EFHC2: variants seen among roughly 807,000 people sequenced by gnomAD.
EFHC2 encodes EF-hand domain containing 2.
A neutral mutation model predicts 52.7 loss-of-function variants in EFHC2; 18 were observed. That is an observed-to-expected ratio of 0.34 (90% CI 0.24 to 0.51). EFHC2 has a LOEUF of 0.51. Among genes scored for constraint, EFHC2 ranks in the 20% least tolerant of loss-of-function variants. The probability of loss-of-function intolerance (pLI) is 0.97; values close to 1 mark genes in which losing one functional copy is unlikely to be tolerated. For missense variants in EFHC2, 513 were observed against 562.5 expected (o/e 0.91, Z 0.89); for synonymous variants, 203 against 204.1 (o/e 0.99, Z 0.04).
intron 14 of EFHC2, among the ~76,000 whole-genome samples, chrX:44,155,364 C>A (rs1412583709): frequency 8.9e-6 from 1 of 112,047 alleles, no homozygotes. Flanking sequence ...GGATGAAAAC[C>A]CAGTAAACAG....
At chrX:44,232,937 G>T (rs1186623411) in intron 9 of EFHC2, among the ~76,000 whole-genome samples, 2 of 111,638 alleles carry the variant, frequency 1.8e-5, no homozygotes, top group African/African-American at 6.5e-5. Context: ...AAGAGGCTGA[G>T]GCACGAGGAT....
At chrX:44,218,484 TA>T (rs1160548061) in intron 11 of EFHC2, among the ~76,000 whole-genome samples, 10 of 112,046 alleles carry the variant, frequency 8.9e-5, no homozygotes, top group Non-Finnish European at 1.9e-4. Flanking sequence ...TACTTTAATA[TA>T]AAATATGCTG....
intron 14 of EFHC2, among the ~76,000 whole-genome samples, chrX:44,150,977 C>T (rs1433905773): frequency 9.0e-6 from 1 of 110,598 alleles, no homozygotes; most frequent in Non-Finnish European, 1.9e-5. Flanking sequence ...AAAAGACAGC[C>T]AGGTAAAGAC....
chrX:44,274,831 G>C (rs1358680978), intron 2 of EFHC2, among the ~76,000 whole-genome samples: 3 of 111,173 alleles, frequency 2.7e-5, no homozygotes, highest in Non-Finnish European at 5.7e-5. Context: ...GATCGAGGCT[G>C]CAGTGAGTTA....
intron 2 of EFHC2, among the ~76,000 whole-genome samples, chrX:44,281,899 T>C (rs2037704584): frequency 9.0e-6 from 1 of 111,596 alleles, no homozygotes; most frequent in Non-Finnish European, 1.9e-5. Context: ...CAAATTAAAA[T>C]AACAACGAGG....
chrX:44,201,984 C>T (rs781478597), intron 11 of EFHC2, among the ~76,000 whole-genome samples: 50 of 111,346 alleles, frequency 4.5e-4, no homozygotes, highest in Non-Finnish European at 7.9e-4. Flanking sequence ...ACAAGGAGAT[C>T]TGCTATTACT....
At chrX:44,176,429 C>A (rs1399364425) in intron 12 of EFHC2, 45 bp from the exon 13 acceptor site, 58 of 888,387 alleles carry the variant, frequency 6.5e-5, no homozygotes, top group Non-Finnish European at 8.9e-5. Context: ...CCTTGTATAC[C>A]TTTAGTAATA....
intron 10 of EFHC2, among the ~76,000 whole-genome samples, chrX:44,230,522 ATTTCC>A (rs1350059271): frequency 9.0e-6 from 1 of 111,062 alleles, no homozygotes; most frequent in Non-Finnish European, 1.9e-5. Flanking sequence ...CTTTTTTTGC[ATTTCC>A]TTTCATCTAT....
rs758088472 is a variant in EFHC2, at chrX:44,173,168, T to C, written c.2042+3124A>G. On this transcript the variant is annotated intron_variant, in intron 13 of 14. Coordinates refer to ENST00000420999, the MANE Select transcript of EFHC2 (RefSeq NM_025184.4). Reference sequence around the variant, plus strand: ...TCCAACCCTTTAGCCATATTGTTTTTCATCTCCTGATCTGAATTTACACAG... The same window carrying C: ...TCCAACCCTTTAGCCATATTGTTTTCCATCTCCTGATCTGAATTTACACAG... 1.1e-3 allele frequency among the ~76,000 whole-genome samples: 121 copies of C among 112,389 alleles called. 4 individuals carry two copies. Among genetic ancestry groups the C allele is most frequent in the Middle Eastern group, 4.6e-3 (1 of 219 alleles).
At chrX:44,254,236 C>T (rs955635854) in intron 4 of EFHC2, among the ~76,000 whole-genome samples, 5 of 112,007 alleles carry the variant, frequency 4.5e-5, no homozygotes, top group African/African-American at 1.6e-4. Context: ...CACAACTCCT[C>T]GCCAGCAAGA....
At chrX:44,318,966 G>C (rs1400222351) in intron 1 of EFHC2, among the ~76,000 whole-genome samples, 1 of 109,764 alleles carries the variant, frequency 9.1e-6, no homozygotes, top group Non-Finnish European at 1.9e-5. Flanking sequence ...CAGTGGGCAG[G>C]GTGGGTTGGA....
At chrX:44,228,111 G>A (rs1046171341) in intron 11 of EFHC2, among the ~76,000 whole-genome samples, 13 of 112,193 alleles carry the variant, frequency 1.2e-4, no homozygotes, top group Admixed American at 1.0e-3. Context: ...CAAGCCAGGC[G>A]AAACCTGATC....
chrX:44,242,383 G>A (rs966100293), intron 7 of EFHC2, 94 bp from the exon 8 acceptor site: 3 of 955,867 alleles, frequency 3.1e-6, no homozygotes, highest in Non-Finnish European at 4.3e-6. Context: ...AGATGAACAT[G>A]GAGATCTTTG....
chrX:44,212,824 G>A (rs1184227390), intron 11 of EFHC2, among the ~76,000 whole-genome samples: 2 of 110,348 alleles, frequency 1.8e-5, no homozygotes, highest in Admixed American at 9.6e-5. Flanking sequence ...TGATTCTCCC[G>A]CCTCAGCCTC....
At chrX:44,152,134 A>C (rs1477267620) in intron 14 of EFHC2, among the ~76,000 whole-genome samples, 5 of 111,948 alleles carry the variant, frequency 4.5e-5, no homozygotes, top group African/African-American at 1.6e-4. Flanking sequence ...ACCTAGTAGT[A>C]ATAGGAATAA....
chrX:44,208,927 T>C (rs1209701575), intron 11 of EFHC2, among the ~76,000 whole-genome samples: 2 of 110,778 alleles, frequency 1.8e-5, no homozygotes, highest in Non-Finnish European at 3.8e-5. Flanking sequence ...AACCAATTCA[T>C]ATGGATATGG....
chrX:44,173,110 A>G (rs1278402406), intron 13 of EFHC2, among the ~76,000 whole-genome samples: 1 of 112,388 alleles, frequency 8.9e-6, no homozygotes, highest in Non-Finnish European at 1.9e-5. Flanking sequence ...TAGGAGAAAT[A>G]CATGGGTAAC....
At chrX:44,151,139 G>A (rs1315898361) in intron 14 of EFHC2, among the ~76,000 whole-genome samples, 1 of 111,109 alleles carries the variant, frequency 9.0e-6, no homozygotes, top group Non-Finnish European at 1.9e-5. Context: ...AGAAAGTATG[G>A]CCCTGCTGAC....
In EFHC2 at chrX:44,290,096, T is replaced by G. The variant is rs534450348; in HGVS notation, c.232-17260A>C. On this transcript the variant is annotated intron_variant, in intron 2 of 14. Coordinates refer to ENST00000420999, the MANE Select transcript of EFHC2 (RefSeq NM_025184.4). The stretch of plus-strand genomic sequence containing the variant: ...GACTTTAATTCTTTAGGAACAATTG[T>G]CTGCATGTTAGAGCTCAATCCTCTG... Among the ~76,000 whole-genome samples, 8 of 112,412 alleles carry G rather than the reference T, an allele frequency of 7.1e-5. No individual in the cohort carries two copies. In the South Asian group the frequency reaches 2.9e-3, roughly 41 times the overall value.
Sources: gnomAD v4.1 joint callset for allele counts (sites outside exome capture counted in the v4.1 genomes callset) on GRCh38, gnomAD v4.1.1 for gene constraint, MANE v1.5 for transcripts, NCBI Gene and HGNC (gene_info 2026-07-23, HGNC 2026-07-21) for gene names.